The following KCNT2 variants were observed in gnomAD, a reference collection of about 807,000 sequenced individuals.
The protein encoded by KCNT2 is potassium sodium-activated channel subfamily T member 2, also known as potassium channel subfamily T member 2.
In KCNT2, 67 loss-of-function variants were observed where a neutral mutation model predicts 153.8. The ratio of observed to expected loss-of-function variants is 0.44; its 90% confidence interval spans 0.36 to 0.53. The LOEUF is 0.53. Ranked by LOEUF, KCNT2 falls within the 20% of genes least tolerant of loss-of-function variation. The probability of loss-of-function intolerance (pLI) is 0.00; values close to 1 mark genes in which losing one functional copy is unlikely to be tolerated. For missense variants in KCNT2, 975 were observed against 1,354.8 expected (o/e 0.72, Z 4.40); for synonymous variants, 500 against 458.8 (o/e 1.09, Z -1.15).
At chr1:196,342,040 T>C in intron 15 of KCNT2, 39 bp downstream of exon 15, 1 of 1,586,620 alleles carries the variant, frequency 6.3e-7, no homozygotes, top group Non-Finnish European at 8.6e-7. Context: ...TATGCTTGAC[T>C]GATTGATATT....
intron 12 of KCNT2, among the ~76,000 whole-genome samples, chr1:196,408,773 A>G (rs1176748205): frequency 1.3e-5 from 2 of 151,642 alleles, no homozygotes; most frequent in African/African-American, 2.4e-5. Context: ...ATTCTCTGCT[A>G]TATCTTTTCT....
intron 21 of KCNT2, among the ~76,000 whole-genome samples, chr1:196,306,007 C>T (rs565594331): frequency 1.7e-4 from 26 of 152,082 alleles, no homozygotes; most frequent in Admixed American, 5.9e-4. Context: ...AGCACACATA[C>T]GTACACGCTC....
chr1:196,529,725 G>T (rs1296284075), intron 1 of KCNT2, among the ~76,000 whole-genome samples: 1 of 152,004 alleles, frequency 6.6e-6, no homozygotes. Context: ...CCAGTGTACT[G>T]GTTAACATGA....
intron 25 of KCNT2, among the ~76,000 whole-genome samples, chr1:196,272,948 C>T (rs1254212848): frequency 3.3e-5 from 5 of 151,718 alleles, no homozygotes; most frequent in African/African-American, 9.7e-5. Flanking sequence ...TTGAAATTTG[C>T]TAAGAGAGAT....
At chr1:196,444,618 A>T (rs1201555225) in intron 8 of KCNT2, among the ~76,000 whole-genome samples, 1 of 151,486 alleles carries the variant, frequency 6.6e-6, no homozygotes, top group African/African-American at 2.4e-5. Context: ...GTATGATCAT[A>T]AACAAAAGCA....
At chr1:196,472,320 G>T (rs1444561389) in intron 5 of KCNT2, among the ~76,000 whole-genome samples, 1 of 152,072 alleles carries the variant, frequency 6.6e-6, no homozygotes, top group Non-Finnish European at 1.5e-5. Context: ...GAATGATATT[G>T]TTTAAAACCT....
At chr1:196,449,680 A>G (rs1557949352) in intron 8 of KCNT2, among the ~76,000 whole-genome samples, 1 of 151,632 alleles carries the variant, frequency 6.6e-6, no homozygotes, top group Non-Finnish European at 1.5e-5. Flanking sequence ...TAATTTAGAC[A>G]ATGTACTAAT....
Position 196,435,133 on chromosome 1 carries a change from GTGTATGTATA to G in KCNT2, c.639-5386_639-5377del, listed in dbSNP as rs1191565351. On this transcript the variant is annotated intron_variant, in intron 8 of 27. Transcript: ENST00000294725. ...TAGCAATAGATACTTATGTGTGTGT[GTGTATGTATA>G]TATATATATATATATATATATATAT... Among the ~76,000 whole-genome samples the G allele has an allele frequency of 1.8e-3, 156 of 87,880 alleles. 3 individuals are homozygous for G. Among genetic ancestry groups the G allele is most frequent in the Middle Eastern group, 6.7e-3 (1 of 150 alleles). The allele number at this position is 87,880 out of a possible 152,430, so 57.7% of individuals were successfully genotyped here. A position where few individuals can be genotyped will look rare whatever the true frequency, so the allele number is the denominator to read the frequency against.
chr1:196,438,811 G>A (rs895255608), intron 8 of KCNT2, among the ~76,000 whole-genome samples: 6 of 151,628 alleles, frequency 4.0e-5, no homozygotes, highest in Non-Finnish European at 7.4e-5. Flanking sequence ...ACTAAGTTAT[G>A]TAACTAATAT....
chr1:196,457,062 T>G (rs1572519843), intron 8 of KCNT2, among the ~76,000 whole-genome samples: 2 of 151,874 alleles, frequency 1.3e-5, no homozygotes, highest in Non-Finnish European at 2.9e-5. Context: ...AAATAATTTT[T>G]TACACCCAAA....
At chr1:196,244,842 C>A (rs996150968) in intron 26 of KCNT2, among the ~76,000 whole-genome samples, 1 of 152,086 alleles carries the variant, frequency 6.6e-6, no homozygotes, top group Non-Finnish European at 1.5e-5. Flanking sequence ...AGCTCTAGGG[C>A]TTTCAGCTAG....
In KCNT2 at chr1:196,334,487, C is replaced by CTTTTTTTTTTTTTTTTT. The variant is rs533230418; in HGVS notation, c.1784-428_1784-427insAAAAAAAAAAAAAAAAA. On this transcript the variant is annotated intron_variant, in intron 16 of 27. Coordinates refer to ENST00000294725, the MANE Select transcript of KCNT2 (RefSeq NM_198503.5). The stretch of plus-strand genomic sequence containing the variant: ...TTTTCTTTTATTTCTTTCTTTCTTT[C>CTTTTTTTTTTTTTTTTT]TTTTTTTTTTTTAAGACAGAGTCTC... Among the ~76,000 whole-genome samples the CTTTTTTTTTTTTTTTTT allele has an allele frequency of 3.9e-4, 34 of 87,272 alleles. 2 individuals are homozygous for CTTTTTTTTTTTTTTTTT. The highest frequency in any genetic ancestry group is 5.1e-4 in the South Asian group (1 of 1,968). 57.3% of individuals were successfully genotyped at this position (87,272 alleles called of 152,430 possible).
At chr1:196,567,116 T>C (rs917885819) in intron 1 of KCNT2, among the ~76,000 whole-genome samples, 1 of 152,136 alleles carries the variant, frequency 6.6e-6, no homozygotes, top group African/African-American at 2.4e-5. Context: ...AATTACAAAA[T>C]TAAATATGAA....
chr1:196,435,137 A>ATGTG (rs1391109857), intron 8 of KCNT2, among the ~76,000 whole-genome samples: 1 of 51,420 alleles, frequency 1.9e-5, no homozygotes, highest in African/African-American at 6.1e-5. Context: ...GTGTGTGTGT[A>ATGTG]TGTATATATA....
intron 18 of KCNT2, among the ~76,000 whole-genome samples, chr1:196,329,962 TA>T (rs1664291358): frequency 7.5e-6 from 1 of 133,944 alleles, no homozygotes; most frequent in South Asian, 2.2e-4. Flanking sequence ...TATATATATA[TA>T]TATATATATA....
In KCNT2 at chr1:196,342,154, A is replaced by G. The variant is rs148698179; in HGVS notation, c.1478T>C (p.Val493Ala). The change falls in exon 15 of 28, where the codon GTT becomes GCT. Residue 493 changes from valine to alanine, a missense_variant. Val to Ala is a moderately conservative substitution (Grantham distance 64). Coordinates refer to ENST00000294725, the MANE Select transcript of KCNT2 (RefSeq NM_198503.5). Reference protein sequence around the residue: ...RCSGNEVYHIVLEESTFFAEY... With the variant: ...RCSGNEVYHIALEESTFFAEY... ...AGCAAAAAATGTACTTTCTTCCAAA[A>G]CAATGTGGTAGACTTCATTCCCGGA... 1.2e-4 allele frequency: 200 copies of G among 1,611,274 alleles called. 1 individual carries two copies. The Middle Eastern group carries it at 1.3e-3, about 11-fold the overall frequency.
At chr1:196,559,674 C>T (rs1659129300) in intron 1 of KCNT2, among the ~76,000 whole-genome samples, 1 of 151,780 alleles carries the variant, frequency 6.6e-6, no homozygotes, top group African/African-American at 2.4e-5. Context: ...GTAAAAAGCA[C>T]AACTAAATAT....
chr1:196,380,031 C>G (rs1346041399), intron 13 of KCNT2, among the ~76,000 whole-genome samples: 2 of 152,130 alleles, frequency 1.3e-5, no homozygotes, highest in Non-Finnish European at 2.9e-5. Context: ...ACGTAAGTGG[C>G]AAAACAATAT....
At position 196,227,324 on chromosome 1, in the gene KCNT2, T is replaced by C. The variant is rs1214067514; in HGVS notation, c.*900A>G. The C allele has an allele frequency of 6.6e-6, 1 of 152,038 alleles. No homozygotes were observed. Among genetic ancestry groups the C allele is most frequent in the Non-Finnish European group, 1.5e-5 (1 of 67,910 alleles). 9.4% of individuals were successfully genotyped at this position (152,038 alleles called of 1,614,324 possible). ...AATTTTTCTAGTGAAATTTACTATA[T>C]AGATATATGAATAGGAAAGATGGTA... On this transcript the variant is annotated 3_prime_UTR_variant, in exon 28 of 28. Transcript: ENST00000294725.
Sources: allele counts gnomAD v4.1 joint callset (sites outside exome capture counted in the v4.1 genomes callset), GRCh38; gene constraint gnomAD v4.1.1; transcripts MANE v1.5; gene names NCBI Gene and HGNC (gene_info 2026-07-23, HGNC 2026-07-21).